The following AUTS2 variants were observed in gnomAD, a reference collection of about 807,000 sequenced individuals.
AUTS2 encodes autism susceptibility gene 2 protein.
AUTS2 carries 17 observed loss-of-function variants against 112.4 expected under a neutral mutation model. The ratio of observed to expected loss-of-function variants is 0.15; its 90% confidence interval spans 0.10 to 0.23. The LOEUF (loss-of-function observed/expected upper bound fraction) is 0.23, where lower values mean the gene tolerates loss of function less well. AUTS2 is among the 10% of genes least tolerant of loss of function. The probability of loss-of-function intolerance (pLI) is 1.00; values close to 1 mark genes in which losing one functional copy is unlikely to be tolerated. For synonymous variants in AUTS2, 751 were observed against 702.7 expected (o/e 1.07, Z -1.09); for missense variants, 1,510 against 1,701.6 (o/e 0.89, Z 1.98).
At position 70,012,747 on chromosome 7, in the gene AUTS2, C is replaced by G. The variant is rs145686268; in HGVS notation, c.523-105385C>G. ...ATGCTGACACTAAGAAAACATCTTG[C>G]CCGGGCACTTCAGTTGAAGAAAACT... On this transcript the variant is annotated intron_variant, in intron 2 of 18. Coordinates refer to ENST00000342771, the MANE Select transcript of AUTS2 (RefSeq NM_015570.4). Among the ~76,000 whole-genome samples the G allele has an allele frequency of 3.1e-3, 474 of 152,302 alleles. 3 individuals are homozygous for G. Among genetic ancestry groups the G allele is most frequent in the Middle Eastern group, 0.01 (3 of 294 alleles).
intron 2 of AUTS2, among the ~76,000 whole-genome samples, chr7:69,961,470 A>T (rs1487551135): frequency 6.6e-6 from 1 of 152,082 alleles, no homozygotes; most frequent in Non-Finnish European, 1.5e-5. Flanking sequence ...TTTTAGGAAA[A>T]TCTCTTTAAC....
intron 1 of AUTS2, among the ~76,000 whole-genome samples, chr7:69,812,783 G>A (rs1790598569): frequency 6.6e-6 from 1 of 152,008 alleles, no homozygotes; most frequent in Admixed American, 6.5e-5. Context: ...CAAGCACTGA[G>A]GGCTGAATGA....
intron 5 of AUTS2, among the ~76,000 whole-genome samples, chr7:70,486,899 C>CG (rs917184277): frequency 7.5e-5 from 8 of 106,870 alleles, no homozygotes; most frequent in African/African-American, 2.5e-4. Context: ...TTTTGTATTC[C>CG]CCCCCCCCCA....
chr7:69,869,946 CTG>C (rs1464672058), intron 1 of AUTS2, among the ~76,000 whole-genome samples: 2 of 152,106 alleles, frequency 1.3e-5, no homozygotes, highest in Admixed American at 1.3e-4. Flanking sequence ...ATAGAAAAAA[CTG>C]TGCCTTATCT....
intron 1 of AUTS2, among the ~76,000 whole-genome samples, chr7:69,629,807 A>C (rs2129102048): frequency 7.8e-6 from 1 of 128,682 alleles, no homozygotes; most frequent in Middle Eastern, 4.0e-3. Context: ...GGAGTCTGGC[A>C]GTATTTATTT....
At chr7:69,683,778 G>T (rs763445306) in intron 1 of AUTS2, among the ~76,000 whole-genome samples, 1 of 151,810 alleles carries the variant, frequency 6.6e-6, no homozygotes, top group Non-Finnish European at 1.5e-5. Flanking sequence ...TGGCATGGTA[G>T]TACACGCCTA....
At chr7:70,203,043 G>T (rs1425847261) in intron 4 of AUTS2, among the ~76,000 whole-genome samples, 1 of 144,542 alleles carries the variant, frequency 6.9e-6, no homozygotes, top group East Asian at 2.0e-4. Flanking sequence ...CATATCCTTT[G>T]TAGGGACATG....
Position 70,698,785 on chromosome 7 carries a change from GCATTAA to G in AUTS2, c.742+174_742+179del, listed in dbSNP as rs142137861. On this transcript the variant is annotated intron_variant, in intron 6 of 18. Transcript: ENST00000342771. ...GATGGAAGTCTGCATACTTTGTGAT[GCATTAA>G]CATTAACAACCAGTTTATTTTAAAA... The G allele has an allele frequency of 7.1e-3, 3,686 of 517,810 alleles. 102 individuals carry two copies. The highest frequency in any genetic ancestry group is 0.065 in the African/African-American group (3,336 of 51,620). 32.1% of individuals were successfully genotyped at this position (517,810 alleles called of 1,614,324 possible).
chr7:69,817,097 C>A (rs1470631825), intron 1 of AUTS2, among the ~76,000 whole-genome samples: 1 of 152,226 alleles, frequency 6.6e-6, no homozygotes, highest in Non-Finnish European at 1.5e-5. Context: ...GTTTGCCATT[C>A]TTCTTCATCA....
intron 2 of AUTS2, among the ~76,000 whole-genome samples, chr7:70,000,618 C>A (rs1799147936): frequency 6.6e-6 from 1 of 152,096 alleles, no homozygotes; most frequent in Non-Finnish European, 1.5e-5. Flanking sequence ...TAATTCAATT[C>A]TGTATTCTCC....
intron 1 of AUTS2, among the ~76,000 whole-genome samples, chr7:69,840,066 G>A (rs758195847): frequency 1.8e-4 from 27 of 152,064 alleles, no homozygotes; most frequent in Non-Finnish European, 3.7e-4. Flanking sequence ...GGTGGGCAGC[G>A]TCTTTGAAAA....
At chr7:70,757,965 A>G (rs1374024039) in intron 6 of AUTS2, among the ~76,000 whole-genome samples, 1 of 151,660 alleles carries the variant, frequency 6.6e-6, no homozygotes, top group East Asian at 1.9e-4. Context: ...TATTTTTAGC[A>G]GAGATGGAGT....
intron 4 of AUTS2, among the ~76,000 whole-genome samples, chr7:70,317,659 G>A (rs925298987): frequency 6.6e-6 from 1 of 152,192 alleles, no homozygotes; most frequent in Non-Finnish European, 1.5e-5. Flanking sequence ...ACAAGCATGA[G>A]TGGGCACAAG....
At chr7:69,835,812 G>A (rs1196214363) in intron 1 of AUTS2, among the ~76,000 whole-genome samples, 1 of 152,216 alleles carries the variant, frequency 6.6e-6, no homozygotes, top group Non-Finnish European at 1.5e-5. Context: ...GACATTTAAA[G>A]TGTTGAATGC....
At chr7:70,458,582 T>C (rs1017494438) in intron 5 of AUTS2, among the ~76,000 whole-genome samples, 3 of 152,164 alleles carry the variant, frequency 2.0e-5, no homozygotes, top group Non-Finnish European at 4.4e-5. Flanking sequence ...GCTCCTCTCT[T>C]TTTTTGATCC....
At chr7:70,685,933 C>T (rs1177042613) in intron 5 of AUTS2, among the ~76,000 whole-genome samples, 2 of 152,148 alleles carry the variant, frequency 1.3e-5, no homozygotes, top group Non-Finnish European at 2.9e-5. Flanking sequence ...GCACCCATGC[C>T]CGGGAGCCCA....
At chr7:70,713,563 T>C (rs1394111749) in intron 6 of AUTS2, among the ~76,000 whole-genome samples, 4 of 152,212 alleles carry the variant, frequency 2.6e-5, no homozygotes, top group African/African-American at 9.6e-5. Context: ...GTTCTCAAAC[T>C]TTAGCCTGCA....
At chr7:70,605,433 C>T (rs931657460) in intron 5 of AUTS2, among the ~76,000 whole-genome samples, 5 of 151,820 alleles carry the variant, frequency 3.3e-5, no homozygotes, top group Admixed American at 1.3e-4. Context: ...ACAACACAAC[C>T]GTTTGAATCA....
intron 4 of AUTS2, among the ~76,000 whole-genome samples, chr7:70,288,357 G>A (rs1043931834): frequency 3.3e-5 from 5 of 152,106 alleles, no homozygotes; most frequent in East Asian, 1.9e-4. Context: ...AGCCCAGATC[G>A]TGCCACTGCA....
Sources: gnomAD v4.1 joint callset for allele counts (sites outside exome capture counted in the v4.1 genomes callset) on GRCh38, gnomAD v4.1.1 for gene constraint, MANE v1.5 for transcripts, NCBI Gene and HGNC (gene_info 2026-07-23, HGNC 2026-07-21) for gene names.